Variants in BMP7 observed in about 807,000 individuals in gnomAD.
The protein encoded by BMP7 is bone morphogenetic protein 7.
In BMP7, 12 loss-of-function variants were observed where a neutral mutation model predicts 41.2. The observed-to-expected ratio is 0.29, with a 90% CI of 0.19 to 0.47. The LOEUF is 0.47. Ranked by LOEUF, BMP7 falls within the 20% of genes least tolerant of loss-of-function variation. The pLI is 0.99. For synonymous variants in BMP7, 248 were observed against 250.0 expected (o/e 0.99, Z 0.07); for missense variants, 467 against 606.0 (o/e 0.77, Z 2.41).
rs1463391517 is a variant in BMP7, at chr20:57,202,631, AGAG to A, written c.612-11_612-9del. ...AGGAAGAGATCCGATTCCCTGCGAG[AGAG>A]GAGGAGAGACACGGGCTTCGCGTTA... On this transcript the variant is annotated splice_polypyrimidine_tract_variant and intron_variant, in intron 2 of 6. Transcript: ENST00000395863. 3.3e-6 allele frequency: 5 copies of A among 1,525,562 alleles called. No homozygotes were observed. The highest frequency in any genetic ancestry group is 4.4e-6 in the Non-Finnish European group (5 of 1,125,088). 94.5% of individuals were successfully genotyped at this position (1,525,562 alleles called of 1,614,324 possible).
chr20:57,238,669 A>T (rs8182932), intron 1 of BMP7, among the ~76,000 whole-genome samples: 1 of 151,752 alleles, frequency 6.6e-6, no homozygotes, highest in African/African-American at 2.4e-5. Flanking sequence ...GTCTGTTTTC[A>T]TGCTGCTGAC....
At chr20:57,190,160 G>A (rs142071038) in intron 3 of BMP7, among the ~76,000 whole-genome samples, 16 of 152,112 alleles carry the variant, frequency 1.1e-4, no homozygotes, top group Admixed American at 2.6e-4. Context: ...GGTGAAGCTG[G>A]AGAGAGTGAG....
chr20:57,214,130 C>T lies in BMP7; in HGVS notation c.612-11507G>A, dbSNP rs996019130. Among the ~76,000 whole-genome samples the T allele has an allele frequency of 1.3e-5, 2 of 152,166 alleles. No individual in the cohort carries two copies. Among genetic ancestry groups the T allele is most frequent in the African/African-American group, 4.8e-5 (2 of 41,438 alleles). ...GTACCTGAGAGGCGAGCACTGTTGT[C>T]CCCTCTCACAGGTGGGAGACTGAGG... is the stretch of plus-strand genomic sequence containing the variant. On this transcript the variant is annotated intron_variant, in intron 2 of 6. Coordinates refer to ENST00000395863, the MANE Select transcript of BMP7 (RefSeq NM_001719.3). This position sits in a 1 kb window ranked among gnomAD's most constrained non-coding sequence, Gnocchi z 4.0.
intron 1 of BMP7, among the ~76,000 whole-genome samples, chr20:57,243,644 G>C (rs772114907): frequency 6.6e-6 from 1 of 152,104 alleles, no homozygotes; most frequent in Non-Finnish European, 1.5e-5. Flanking sequence ...TCCCCACCAA[G>C]CACCTGGCGA....
chr20:57,260,700 T>C (rs1302041490), intron 1 of BMP7, among the ~76,000 whole-genome samples: 1 of 152,234 alleles, frequency 6.6e-6, no homozygotes, highest in Non-Finnish European at 1.5e-5. Flanking sequence ...ACCACTACGC[T>C]GTAAAGGCTA....
intron 2 of BMP7, among the ~76,000 whole-genome samples, chr20:57,227,901 GGA>G (rs1170856101): frequency 6.6e-6 from 1 of 152,042 alleles, no homozygotes; most frequent in African/African-American, 2.4e-5. Context: ...GTGAGAAACG[GGA>G]GAGAGGTAGC....
chr20:57,174,813 C>G lies in BMP7; in HGVS notation c.1035+118G>C. The G allele has an allele frequency of 8.5e-7, 1 of 1,175,390 alleles. No individual in the cohort carries two copies. 72.8% of individuals were successfully genotyped at this position (1,175,390 alleles called of 1,614,324 possible). A position where few individuals can be genotyped will look rare whatever the true frequency, so the allele number is the denominator to read the frequency against. ...CAAGTCCCCTTCCCTAGCGAGGCCACTTGATACTGGAGTCTTAACTGGCAG... is the reference window on the plus strand; with the variant it reads ...CAAGTCCCCTTCCCTAGCGAGGCCAGTTGATACTGGAGTCTTAACTGGCAG... On this transcript the variant is annotated intron_variant, in intron 5 of 6. Transcript: ENST00000395863. The surrounding 1 kb of genome is among the most constrained non-coding windows in gnomAD (Gnocchi z 4.3).
chr20:57,255,859 G>A (rs992194501), intron 1 of BMP7, among the ~76,000 whole-genome samples: 5 of 150,460 alleles, frequency 3.3e-5, no homozygotes. Flanking sequence ...CAAGGCCCAG[G>A]AGAGAAAGCA....
rs563165533 is a variant in BMP7 at position 57,172,866 on chromosome 20, T to A, written c.1146+334A>T. 2.8e-5 allele frequency: 16 copies of A among 576,866 alleles called. No individual in the cohort carries two copies. The African/African-American group carries it at 3.0e-4, about 11-fold the overall frequency. The allele number at this position is 576,866 out of a possible 1,614,324, so 35.7% of individuals were successfully genotyped here. A position where few individuals can be genotyped will look rare whatever the true frequency, so the allele number is the denominator to read the frequency against. On this transcript the variant is annotated intron_variant, in intron 6 of 6. Transcript: ENST00000395863. The stretch of plus-strand genomic sequence containing the variant: ...TCATCTGTTTACCTGTTTCCTCTAC[T>A]GGAAAATGAAGCAGGGCCCAGTGCT...
chr20:57,233,534 C>A (rs986105472), intron 1 of BMP7, among the ~76,000 whole-genome samples: 1 of 152,258 alleles, frequency 6.6e-6, no homozygotes, highest in African/African-American at 2.4e-5. Flanking sequence ...GAACAAGAAG[C>A]TGCCCACCTG....
chr20:57,239,108 C>T (rs191958932), intron 1 of BMP7, among the ~76,000 whole-genome samples: 133 of 152,310 alleles, frequency 8.7e-4, no homozygotes, highest in African/African-American at 3.0e-3. Flanking sequence ...CAAAAGTCCA[C>T]AGTCCAAAGT....
rs776026323 is a variant in BMP7 at position 57,265,826 on chromosome 20, G to A, written c.297C>T (p.Gly99=). The change falls in exon 1 of 7, where the codon GGC becomes GGT. Residue 99 remains glycine, a synonymous_variant. Coordinates refer to ENST00000395863, the MANE Select transcript of BMP7 (RefSeq NM_001719.3). The stretch of plus-strand genomic sequence containing the variant: ...TGTAGGGGTAGGAGAAGCCCTGGCC[G>A]CCGGGCCCGCCGCCCTCCTCCACCG... ...AMAVEEGGGP[G]GQGFSYPYKA... 1.3e-5 allele frequency: 21 copies of A among 1,605,818 alleles called. No individual in the cohort carries two copies. The African/African-American group carries it at 2.4e-4, about 18-fold the overall frequency.
intron 1 of BMP7, among the ~76,000 whole-genome samples, chr20:57,234,840 T>A (rs955128886): frequency 1.3e-5 from 2 of 152,248 alleles, no homozygotes; most frequent in African/African-American, 4.8e-5. Context: ...ATCTTCTGCA[T>A]TGAACACATT....
At chr20:57,196,404 G>A (rs1201556537) in intron 3 of BMP7, among the ~76,000 whole-genome samples, 1 of 152,214 alleles carries the variant, frequency 6.6e-6, no homozygotes, top group African/African-American at 2.4e-5. Flanking sequence ...CTAGAAGAAT[G>A]TGAGCAACAC....
chr20:57,259,643 G>A lies in BMP7; in HGVS notation c.418+6062C>T, dbSNP rs1033920053. ...AATCCACTCCACGCGGATCAGCACA[G>A]GCTTTGCGCGGCTCCCCACAATGCC... On this transcript the variant is annotated intron_variant, in intron 1 of 6. Coordinates refer to ENST00000395863, the MANE Select transcript of BMP7 (RefSeq NM_001719.3). The surrounding 1 kb of genome is among the most constrained non-coding windows in gnomAD (Gnocchi z 4.7). Among the ~76,000 whole-genome samples the A allele has an allele frequency of 3.3e-5, 5 of 152,222 alleles. No homozygotes were observed. The highest frequency in any genetic ancestry group is 1.2e-4 in the African/African-American group (5 of 41,466).
At chr20:57,177,159 T>C (rs1274611919) in intron 4 of BMP7, among the ~76,000 whole-genome samples, 2 of 151,958 alleles carry the variant, frequency 1.3e-5, no homozygotes, top group African/African-American at 4.8e-5. Context: ...TGGAATGAAA[T>C]GGGCTAGAAG....
At chr20:57,246,827 A>G (rs1196940889) in intron 1 of BMP7, among the ~76,000 whole-genome samples, 1 of 152,128 alleles carries the variant, frequency 6.6e-6, no homozygotes, top group Non-Finnish European at 1.5e-5. Context: ...CATCCCTACT[A>G]AAAGTACAAA....
chr20:57,219,498 T>G (rs1985135463), intron 2 of BMP7, among the ~76,000 whole-genome samples: 1 of 152,242 alleles, frequency 6.6e-6, no homozygotes. Flanking sequence ...GTTTCACAAC[T>G]GAGTGTGGGG....
At chr20:57,179,344 A>AC (rs1453086122) in intron 4 of BMP7, among the ~76,000 whole-genome samples, 2 of 151,822 alleles carry the variant, frequency 1.3e-5, no homozygotes, top group Non-Finnish European at 2.9e-5. Context: ...CACCTCCTCA[A>AC]CCCCCTGCTT....
Sources: allele counts gnomAD v4.1 joint callset (sites outside exome capture counted in the v4.1 genomes callset), GRCh38; gene constraint gnomAD v4.1.1; non-coding constraint Gnocchi (gnomAD v3.1); transcripts MANE v1.5; gene names NCBI Gene and HGNC (gene_info 2026-07-23, HGNC 2026-07-21).